The following NOS1 variants were observed in gnomAD, a reference collection of about 807,000 sequenced individuals.
The protein encoded by NOS1 is nitric oxide synthase 1, also known as NOS type I.
Under a neutral mutation model 164.5 loss-of-function variants are expected in NOS1, and 51 were observed. The ratio of observed to expected loss-of-function variants is 0.31; its 90% CI spans 0.25 to 0.39. The LOEUF (loss-of-function observed/expected upper bound fraction) is 0.39. Among genes scored for constraint, NOS1 ranks in the 10% least tolerant of loss-of-function variants. The pLI is 1.00. For synonymous variants in NOS1, 719 were observed against 745.8 expected, an observed-to-expected ratio of 0.96 and a Z score of 0.59; for missense variants, 1,362 against 1,885.6, an observed-to-expected ratio of 0.72 and a Z score of 5.14.
At chr12:117,323,086 G>A (rs999295182) in intron 2 of NOS1, among the ~76,000 whole-genome samples, 2 of 152,184 alleles carry the variant, frequency 1.3e-5, no homozygotes, top group African/African-American at 4.8e-5. Flanking sequence ...TGTCAGGTGG[G>A]TACCCAGCCT....
At chr12:117,325,484 G>C (rs1237822639) in intron 2 of NOS1, among the ~76,000 whole-genome samples, 1 of 152,100 alleles carries the variant, frequency 6.6e-6, no homozygotes, top group African/African-American at 2.4e-5. Context: ...GTGGCATTAG[G>C]GGTGGTGGTC....
chr12:117,332,445 G>A (rs1027939640), intron 1 of NOS1, among the ~76,000 whole-genome samples: 1 of 152,130 alleles, frequency 6.6e-6, no homozygotes, highest in Non-Finnish European at 1.5e-5. Context: ...TTATATTATA[G>A]TACAGGTATG....
rs541587806 is a variant in NOS1, at chr12:117,246,741, T to C, written c.2823+607A>G. On this transcript the variant is annotated intron_variant, in intron 18 of 28. Transcript: ENST00000317775. ...GAATCCTGCAATACATATTCTTTTGTGACTGGCTTCTTCCACTTAGTGTAA... is the reference window on the plus strand; with the variant it reads ...GAATCCTGCAATACATATTCTTTTGCGACTGGCTTCTTCCACTTAGTGTAA... Among the ~76,000 whole-genome samples, 9 of 152,374 alleles carry C rather than the reference T, an allele frequency of 5.9e-5. No individual in the cohort carries two copies. The East Asian group carries it at 1.7e-3, about 29-fold the overall frequency.
intron 25 of NOS1, among the ~76,000 whole-genome samples, chr12:117,223,625 G>A (rs976718629): frequency 6.6e-6 from 1 of 151,886 alleles, no homozygotes; most frequent in African/African-American, 2.4e-5. Flanking sequence ...TGCCCAGGCT[G>A]GAGTGCAGTG....
chr12:117,333,656 G>A (rs1593030733), intron 1 of NOS1, among the ~76,000 whole-genome samples: 1 of 152,198 alleles, frequency 6.6e-6, no homozygotes, highest in African/African-American at 2.4e-5. Context: ...CCTGGGCTGC[G>A]TTCTCCATCT....
chr12:117,318,049 A>G (rs1252008062), intron 2 of NOS1, among the ~76,000 whole-genome samples: 1 of 152,126 alleles, frequency 6.6e-6, no homozygotes, highest in African/African-American at 2.4e-5. Context: ...GCACCTGCCT[A>G]TAGTCCCAAC....
intron 20 of NOS1, 24 bp downstream of exon 20, chr12:117,242,602 AC>A (rs761698601): frequency 1.4e-5 from 23 of 1,597,458 alleles, no homozygotes; most frequent in Non-Finnish European, 1.7e-5. Context: ...GACGTAGGTA[AC>A]CCAGTGAACC....
chr12:117,227,329 A>G, intron 23 of NOS1, 102 bp downstream of exon 23: 4 of 1,110,702 alleles, frequency 3.6e-6, no homozygotes, highest in South Asian at 1.4e-5. Flanking sequence ...GTTTCTTCCC[A>G]GGGATTTGGG....
chr12:117,274,494 C>T (rs908575438), intron 9 of NOS1, among the ~76,000 whole-genome samples: 1 of 152,038 alleles, frequency 6.6e-6, no homozygotes, highest in Non-Finnish European at 1.5e-5. Context: ...TCAGGCTGGG[C>T]GCAGTGGTTC....
In NOS1 at chr12:117,330,690, C is replaced by A. The variant is rs777885568; in HGVS notation, c.380G>T (p.Gly127Val). Residue 127 changes from glycine to valine, a missense_variant, in exon 2 of 29, where the codon GGT (glycine) becomes GTT (valine). Around this residue, in one of 4 missense-constraint regions of NOS1, gnomAD observed 362 missense variants for 402.0 expected, o/e 0.90. Transcript: ENST00000317775. The surrounding 1 kb of genome is among the most constrained non-coding windows in gnomAD (Gnocchi z 4.6). ...PKTIRVTQPL[G>V]PPTKAVDLSH... ...CAGATCCACGGCTTTGGTGGGGGGA[C>A]CCAGGGGCTGTGTCACCCGGATGGT... 4.3e-6 allele frequency: 7 copies of A among 1,613,414 alleles called. No homozygotes were observed. In the African/African-American group the frequency reaches 8.0e-5, roughly 18 times the overall value.
At chr12:117,216,274 C>T (rs554355677) in intron 28 of NOS1, among the ~76,000 whole-genome samples, 54 of 151,684 alleles carry the variant, frequency 3.6e-4, no homozygotes, top group Non-Finnish European at 6.9e-4. Context: ...GCTCCACCTC[C>T]CAGGTTCATG....
chr12:117,330,339 G>A lies in NOS1; in HGVS notation c.725+6C>T. On this transcript the variant is annotated splice_donor_region_variant and intron_variant, in intron 2 of 28. Coordinates refer to ENST00000317775, the MANE Select transcript of NOS1 (RefSeq NM_000620.5). The surrounding 1 kb of genome is among the most constrained non-coding windows in gnomAD (Gnocchi z 4.6). ...ACACACACACACACACCCCTGTGGA[G>A]CTTACCTGTCCACCTGGATTCCCAT... The A allele has an allele frequency of 1.3e-6, 2 of 1,595,630 alleles. No individual in the cohort carries two copies. Among genetic ancestry groups the A allele is most frequent in the East Asian group, 2.2e-5 (1 of 44,626 alleles).
intron 26 of NOS1, 119 bp downstream of exon 26, chr12:117,222,596 C>A (rs1268052736): frequency 3.2e-6 from 3 of 930,124 alleles, no homozygotes; most frequent in Admixed American, 2.2e-5. Flanking sequence ...AAGTACAGAG[C>A]AACTTCATAG....
At chr12:117,274,942 T>C (rs1242045953) in intron 9 of NOS1, among the ~76,000 whole-genome samples, 1 of 152,004 alleles carries the variant, frequency 6.6e-6, no homozygotes, top group Non-Finnish European at 1.5e-5. Context: ...CTGTGTGATA[T>C]AAAGAAAATG....
At chr12:117,357,667 A>G (rs776516204) in intron 1 of NOS1, among the ~76,000 whole-genome samples, 3 of 152,068 alleles carry the variant, frequency 2.0e-5, no homozygotes, top group Non-Finnish European at 4.4e-5. Context: ...AAAAATAGAG[A>G]TATTTCCAGT....
At chr12:117,253,575 A>T in intron 17 of NOS1, 63 bp downstream of exon 17, 1 of 1,075,762 alleles carries the variant, frequency 9.3e-7, no homozygotes, top group Non-Finnish European at 1.4e-6. Flanking sequence ...CTTTGTAAGT[A>T]GGTCAAGCTC....
chr12:117,294,832 C>A (rs1290050868), intron 3 of NOS1, among the ~76,000 whole-genome samples: 4 of 152,114 alleles, frequency 2.6e-5, no homozygotes, highest in Non-Finnish European at 5.9e-5. Context: ...TTTGTGGACC[C>A]CTGGGACACC....
At chr12:117,301,792 T>C (rs1873830087) in intron 3 of NOS1, among the ~76,000 whole-genome samples, 1 of 152,176 alleles carries the variant, frequency 6.6e-6, no homozygotes, top group East Asian at 1.9e-4. Context: ...CATGACTCAA[T>C]GGGTGGTCAC....
At chr12:117,216,580 G>A (rs1432180805) in intron 28 of NOS1, among the ~76,000 whole-genome samples, 1 of 151,960 alleles carries the variant, frequency 6.6e-6, no homozygotes, top group Non-Finnish European at 1.5e-5. Context: ...CTGGGATCAG[G>A]CCATCCTCTT....
Sources: gnomAD v4.1 joint callset for allele counts (sites outside exome capture counted in the v4.1 genomes callset) on GRCh38, gnomAD v4.1.1 for gene constraint, gnomAD v4.1.1 regional missense constraint, Gnocchi (gnomAD v3.1) non-coding constraint, MANE v1.5 for transcripts, NCBI Gene and HGNC (gene_info 2026-07-23, HGNC 2026-07-21) for gene names.